RELN: variants seen among roughly 807,000 people sequenced by gnomAD.
RELN encodes reelin.
In RELN, 108 loss-of-function variants were observed where a neutral mutation model predicts 427.6. The observed-to-expected ratio is 0.25, with a 90% CI of 0.22 to 0.30. The LOEUF (loss-of-function observed/expected upper bound fraction) is 0.30. RELN is among the 10% of genes least tolerant of loss of function. The pLI is 1.00. For missense variants in RELN, 3,715 were observed against 4,302.8 expected, an observed-to-expected ratio of 0.86 and a Z score of 3.82; for synonymous variants, 1,524 against 1,513.4, an observed-to-expected ratio of 1.01 and a Z score of -0.16.
At chr7:103,849,800 C>T (rs1260766614) in intron 2 of RELN, among the ~76,000 whole-genome samples, 5 of 152,136 alleles carry the variant, frequency 3.3e-5, no homozygotes, top group Non-Finnish European at 7.4e-5. Flanking sequence ...CAACAGAGAC[C>T]TACCACATAT....
At chr7:103,572,050 T>C (rs1444405841) in intron 31 of RELN, 134 bp downstream of exon 31, 23 of 696,646 alleles carry the variant, frequency 3.3e-5, no homozygotes, top group Non-Finnish European at 1.1e-5. Context: ...CCACCGATTC[T>C]ACAAAGCAGA....
intron 3 of RELN, among the ~76,000 whole-genome samples, chr7:103,816,882 T>C: frequency 6.6e-6 from 1 of 151,970 alleles, no homozygotes; most frequent in East Asian, 1.9e-4. Context: ...GGCAGAGTCT[T>C]GCTGCGATGC....
chr7:103,578,833 T>C (rs1456054364), intron 28 of RELN, among the ~76,000 whole-genome samples: 1 of 152,246 alleles, frequency 6.6e-6, no homozygotes, highest in Non-Finnish European at 1.5e-5. Context: ...TTACTACTAA[T>C]GTATTTGTGC....
intron 2 of RELN, among the ~76,000 whole-genome samples, chr7:103,902,400 T>A (rs1003813074): frequency 3.3e-5 from 5 of 151,788 alleles, no homozygotes; most frequent in African/African-American, 1.2e-4. Context: ...ATAACTATAT[T>A]TATTTTACTT....
chr7:103,775,235 A>G (rs1791708779), intron 4 of RELN, among the ~76,000 whole-genome samples: 1 of 152,128 alleles, frequency 6.6e-6, no homozygotes, highest in African/African-American at 2.4e-5. Context: ...ATTATGATCA[A>G]ATTCTTGAGC....
intron 24 of RELN, among the ~76,000 whole-genome samples, chr7:103,600,735 T>G (rs1458053378): frequency 6.6e-6 from 1 of 152,102 alleles, no homozygotes; most frequent in Non-Finnish European, 1.5e-5. Context: ...TGACAAAAAT[T>G]TAGGGGGAAA....
At chr7:103,599,720 G>A (rs1318811829) in intron 24 of RELN, among the ~76,000 whole-genome samples, 2 of 152,174 alleles carry the variant, frequency 1.3e-5, no homozygotes, top group Non-Finnish European at 1.5e-5. Context: ...CAGAGAAGAT[G>A]AAAGGCATAA....
At chr7:103,558,545 A>T (rs1205869089) in intron 36 of RELN, among the ~76,000 whole-genome samples, 5 of 152,130 alleles carry the variant, frequency 3.3e-5, no homozygotes, top group Non-Finnish European at 5.9e-5. Context: ...ACACAACAAC[A>T]TCCCCCAGTT....
intron 8 of RELN, among the ~76,000 whole-genome samples, chr7:103,714,745 T>C (rs574976566): frequency 6.6e-6 from 1 of 152,162 alleles, no homozygotes; most frequent in Non-Finnish European, 1.5e-5. Flanking sequence ...TAATGCTTTG[T>C]GGCAGCCCAG....
intron 1 of RELN, among the ~76,000 whole-genome samples, chr7:103,977,597 G>A (rs931240343): frequency 1.3e-5 from 2 of 152,134 alleles, no homozygotes; most frequent in African/African-American, 4.8e-5. Context: ...GAAACAAAAT[G>A]AAAAGAAGTT....
At chr7:103,555,904 G>A (rs1830511010) in intron 38 of RELN, among the ~76,000 whole-genome samples, 2 of 152,266 alleles carry the variant, frequency 1.3e-5, no homozygotes, top group African/African-American at 4.8e-5. Flanking sequence ...TTTAGAGATG[G>A]AAGAACCTTT....
At chr7:103,629,918 A>G (rs1832414263) in intron 20 of RELN, 22 bp downstream of exon 20, 1 of 1,381,082 alleles carries the variant, frequency 7.2e-7, no homozygotes. Flanking sequence ...AATTGTAACA[A>G]TAACAATGAT....
chr7:103,573,607 A>AT lies in RELN; in HGVS notation c.4511+484dup, dbSNP rs960169253. ...GCAGTTTTATTTTAGGTGTGCTATT[A>AT]TTTCATTTGATCTTAAAAACCAAAC... On this transcript the variant is annotated intron_variant, in intron 30 of 64. Coordinates refer to ENST00000428762, the MANE Select transcript of RELN (RefSeq NM_005045.4). The surrounding 1 kb of genome is among the most constrained non-coding windows in gnomAD (Gnocchi z 4.4). Among the ~76,000 whole-genome samples the AT allele has an allele frequency of 2.0e-5, 3 of 152,310 alleles. No homozygotes were observed. Among genetic ancestry groups the AT allele is most frequent in the African/African-American group, 7.2e-5 (3 of 41,578 alleles).
intron 10 of RELN, among the ~76,000 whole-genome samples, chr7:103,682,761 C>A (rs1373358355): frequency 1.3e-5 from 2 of 152,086 alleles, no homozygotes; most frequent in African/African-American, 4.8e-5. Context: ...TCAAAGTAAA[C>A]CCAGATATAA....
chr7:103,811,059 C>T (rs1272421414), intron 3 of RELN, among the ~76,000 whole-genome samples: 2 of 152,028 alleles, frequency 1.3e-5, no homozygotes, highest in East Asian at 3.9e-4. Context: ...CATTAATGTT[C>T]AATTATTTAT....
At chr7:103,891,452 C>T (rs1416277624) in intron 2 of RELN, among the ~76,000 whole-genome samples, 1 of 152,108 alleles carries the variant, frequency 6.6e-6, no homozygotes, top group Non-Finnish European at 1.5e-5. Context: ...ACATCAGGCT[C>T]AGTATTCTCC....
At position 103,756,022 on chromosome 7, in the gene RELN, A is replaced by G. The variant is rs373461374; in HGVS notation, c.545-2808T>C. Among the ~76,000 whole-genome samples, 55 of 152,320 alleles carry G rather than the reference A, an allele frequency of 3.6e-4. 1 individual carries two copies. The South Asian group carries it at 0.011, about 32-fold the overall frequency. On this transcript the variant is annotated intron_variant, in intron 4 of 64. Transcript: ENST00000428762. ...GGAAAAGTTATGACAATTATTAATT[A>G]GAAATATTTACTATGCAATACAATA...
rs1293123413 is a variant in RELN at position 103,565,388 on chromosome 7, C to T, written c.5100G>A (p.Glu1700=). 3.1e-6 allele frequency: 5 copies of T among 1,613,980 alleles called. No individual in the cohort carries two copies. Among genetic ancestry groups the T allele is most frequent in the Non-Finnish European group, 4.2e-6 (5 of 1,180,022 alleles). The change falls in exon 34 of 65, where the codon GAG becomes GAA. Residue 1700 remains glutamate, a synonymous_variant. Coordinates refer to ENST00000428762, the MANE Select transcript of RELN (RefSeq NM_005045.4). The stretch of plus-strand genomic sequence containing the variant: ...GACAGCCAATGGTTGGAGGAACACA[C>T]TCTTCGGTGACAAGATGCCAGTCCT... ...NGKDWHLVTE[E]CVPPTIGCLH... is the part of the protein sequence containing the mutation.
chr7:103,982,842 T>G (rs368180264), intron 1 of RELN, among the ~76,000 whole-genome samples: 1 of 152,178 alleles, frequency 6.6e-6, no homozygotes, highest in Non-Finnish European at 1.5e-5. Context: ...ATAATTTTCT[T>G]TTTAAACTGG....
Sources: allele counts gnomAD v4.1 joint callset (sites outside exome capture counted in the v4.1 genomes callset), GRCh38; gene constraint gnomAD v4.1.1; non-coding constraint Gnocchi (gnomAD v3.1); transcripts MANE v1.5; gene names NCBI Gene and HGNC (gene_info 2026-07-23, HGNC 2026-07-21).